HNRNPA3: variants seen among roughly 807,000 people sequenced by gnomAD.
HNRNPA3 encodes heterogeneous nuclear ribonucleoprotein A3, also known as epididymis secretory sperm binding protein.
In HNRNPA3, 3 loss-of-function variants were observed where a neutral mutation model predicts 45.8. The observed-to-expected ratio is 0.07, with a 90% CI of 0.03 to 0.17. The LOEUF is 0.17. Among genes scored for constraint, HNRNPA3 ranks in the 10% least tolerant of loss-of-function variants. HNRNPA3 has a pLI of 1.00. For missense variants in HNRNPA3, 183 were observed against 480.3 expected (o/e 0.38, Z 5.79); for synonymous variants, 170 against 155.6 (o/e 1.09, Z -0.69).
chr2:177,223,898 C>CA (rs1481594464), downstream of HNRNPA3: 1 of 152,102 alleles, frequency 6.6e-6, no homozygotes, highest in East Asian at 1.9e-4. Flanking sequence ...GTGACTTAAA[C>CA]ACTATAGGTG....
At chr2:177,217,068 G>A in intron 7 of HNRNPA3, 128 bp downstream of exon 7, 1 of 1,001,272 alleles carries the variant, frequency 1.0e-6, no homozygotes, top group African/African-American at 1.7e-5. Context: ...TTTCCAAACT[G>A]TACATGGAAG....
chr2:177,216,470 CT>C (rs752044239), intron 4 of HNRNPA3, 32 bp from the exon 5 acceptor site: 1 of 1,500,806 alleles, frequency 6.7e-7, no homozygotes, highest in African/African-American at 1.4e-5. Flanking sequence ...CATAAAATAA[CT>C]TTTTGTTTTG....
chr2:177,221,869 A>G (rs1574248780), downstream of HNRNPA3: 1 of 152,676 alleles, frequency 6.5e-6, no homozygotes, highest in African/African-American at 2.4e-5. Flanking sequence ...ATATCGAAGA[A>G]AGTCTAGCAG....
At chr2:177,218,186 C>T (rs1034459882) in intron 8 of HNRNPA3, among the ~76,000 whole-genome samples, 1 of 151,544 alleles carries the variant, frequency 6.6e-6, no homozygotes, top group Non-Finnish European at 1.5e-5. Flanking sequence ...CTCAGCCTCC[C>T]TAGTAGCTGG....
At chr2:177,219,945 T>A (rs1339315308) in exon 11 of HNRNPA3, 2 of 152,626 alleles carry the variant, frequency 1.3e-5, no homozygotes, top group African/African-American at 4.8e-5. Flanking sequence ...TGACTTGCAG[T>A]TTAAGGGGAA....
chr2:177,213,051 C>T (rs927453889), intron 1 of HNRNPA3, among the ~76,000 whole-genome samples, 180 bp downstream of exon 1: 1 of 152,150 alleles, frequency 6.6e-6, no homozygotes, highest in African/African-American at 2.4e-5. Context: ...GCCCGCCTCG[C>T]CTTCACCTTC....
intron 1 of HNRNPA3, among the ~76,000 whole-genome samples, chr2:177,213,425 C>G (rs1374702659): frequency 2.0e-5 from 3 of 152,252 alleles, no homozygotes; most frequent in East Asian, 1.9e-4. Flanking sequence ...GGAGGTAGTG[C>G]TTTCGCTGAA....
At chr2:177,223,355 C>T (rs1462230664), downstream of HNRNPA3, 2 of 150,838 alleles carry the variant, frequency 1.3e-5, no homozygotes, top group East Asian at 1.9e-4. Context: ...GTTCCATTGT[C>T]GTTTCTGAAA....
intron 8 of HNRNPA3, 77 bp from the exon 9 acceptor site, chr2:177,218,960 G>C: frequency 6.4e-7 from 1 of 1,551,916 alleles, no homozygotes; most frequent in Non-Finnish European, 8.8e-7. Context: ...ATTCTCAAAA[G>C]ATAATAGTTA....
intron 1 of HNRNPA3, among the ~76,000 whole-genome samples, 191 bp downstream of exon 1, chr2:177,213,062 G>A (rs1042120209): frequency 2.0e-5 from 3 of 152,190 alleles, no homozygotes. Context: ...CTTCACCTTC[G>A]GCTGCACAGG....
chr2:177,217,576 G>A (rs1400506242), intron 7 of HNRNPA3, 129 bp from the exon 8 acceptor site: 5 of 1,078,922 alleles, frequency 4.6e-6, no homozygotes, highest in Non-Finnish European at 7.0e-6. Context: ...CTGCATTGCT[G>A]TGGTTGCACC....
At chr2:177,217,072 A>G (rs1308359696) in intron 7 of HNRNPA3, 132 bp downstream of exon 7, 12 of 973,078 alleles carry the variant, frequency 1.2e-5, no homozygotes, top group Admixed American at 3.5e-5. Flanking sequence ...CAAACTGTAC[A>G]TGGAAGAACA....
intron 8 of HNRNPA3, 56 bp downstream of exon 8, chr2:177,217,901 C>G (rs972794936): frequency 2.8e-6 from 4 of 1,412,982 alleles, no homozygotes; most frequent in Non-Finnish European, 3.8e-6. Context: ...CTAACAGTTC[C>G]CATGACACAT....
At chr2:177,213,502 C>G (rs978049432) in intron 1 of HNRNPA3, among the ~76,000 whole-genome samples, 1 of 152,196 alleles carries the variant, frequency 6.6e-6, no homozygotes, top group Non-Finnish European at 1.5e-5. Flanking sequence ...TTGGCCTTTT[C>G]TTTTTTTCGC....
downstream of HNRNPA3, chr2:177,220,873 C>G (rs1689162330): frequency 6.6e-6 from 1 of 152,588 alleles, no homozygotes; most frequent in Non-Finnish European, 1.5e-5. Flanking sequence ...CCAGCTAGTG[C>G]TTACAGTTTC....
At chr2:177,216,729 G>A in exon 6 of HNRNPA3, 2 of 1,614,196 alleles carry the variant, frequency 1.2e-6, no homozygotes, top group Non-Finnish European at 1.7e-6. Flanking sequence ...CTTTGGAGGT[G>A]GTGGAGGTAA....
Position 177,219,044 on chromosome 2 carries a change from T to C in HNRNPA3, c.969T>C (p.Tyr323=), listed in dbSNP as rs559546408. ...AAACCTTTCTGATTTCAGGTAACTA[T>C]GGTGGTGGTGGGAACTATAATGATT... Residue 323 remains tyrosine, a synonymous_variant, in exon 9 of 11, where the codon TAT becomes TAC. Transcript: ENST00000392524. The C allele has an allele frequency of 1.6e-4, 262 of 1,613,442 alleles. 2 individuals are homozygous for C. The South Asian group carries it at 2.8e-3, about 17-fold the overall frequency.
At chr2:177,223,740 G>GT (rs1290243799), downstream of HNRNPA3, 1 of 152,124 alleles carries the variant, frequency 6.6e-6, no homozygotes, top group African/African-American at 2.4e-5. Flanking sequence ...ACTTAAGTAT[G>GT]TTTTCTGATT....
At chr2:177,217,626 C>T in intron 7 of HNRNPA3, 79 bp from the exon 8 acceptor site, 1 of 1,566,712 alleles carries the variant, frequency 6.4e-7, no homozygotes. Flanking sequence ...GACCCAGTCT[C>T]TTACACACAC....
Sources: allele counts gnomAD v4.1 joint callset (sites outside exome capture counted in the v4.1 genomes callset), GRCh38; gene constraint gnomAD v4.1.1; transcripts MANE v1.5; gene names NCBI Gene and HGNC (gene_info 2026-07-23, HGNC 2026-07-21).